LAMA1: variants seen among roughly 807,000 people sequenced by gnomAD.
LAMA1 encodes the protein laminin subunit alpha 1, also known as laminin subunit alpha-1.
A neutral mutation model predicts 348.7 loss-of-function variants in LAMA1; 219 were observed. That is an observed-to-expected ratio of 0.63 (90% CI 0.56 to 0.70). The LOEUF (loss-of-function observed/expected upper bound fraction) is 0.70. Among genes scored for constraint, LAMA1 ranks in the 30% least tolerant of loss-of-function variants. The pLI is 0.00. For missense variants in LAMA1, 3,744 were observed against 3,888.0 expected (o/e 0.96, Z 0.99); for synonymous variants, 1,487 against 1,491.0 (o/e 1.00, Z 0.06).
intron 62 of LAMA1, among the ~76,000 whole-genome samples, chr18:6,942,965 T>A (rs1419253308): frequency 2.0e-5 from 3 of 152,230 alleles, no homozygotes; most frequent in African/African-American, 7.2e-5. Flanking sequence ...AGACCCAATG[T>A]TCTCACAGTC....
chr18:7,004,146 G>T (rs2057821184), intron 29 of LAMA1, among the ~76,000 whole-genome samples: 1 of 152,154 alleles, frequency 6.6e-6, no homozygotes, highest in African/African-American at 2.4e-5. Flanking sequence ...GGGAAACAAG[G>T]ACCCCCTAAT....
At chr18:7,090,787 A>G (rs2058236894) in intron 1 of LAMA1, among the ~76,000 whole-genome samples, 1 of 152,106 alleles carries the variant, frequency 6.6e-6, no homozygotes, top group Non-Finnish European at 1.5e-5. Context: ...GTCAAATCCA[A>G]ACTCCTGGGA....
At position 7,011,290 on chromosome 18, in the gene LAMA1, T is replaced by G. The variant is rs1600391778; in HGVS notation, c.3687+10A>C. ...GCACCGACTGGCTCTCGGCTGGGCG[T>G]GCACCTCACCTGGTCTCCTTGGAAC... On this transcript the variant is annotated intron_variant, in intron 25 of 62. Transcript: ENST00000389658. 6.2e-7 allele frequency: 1 copy of G among 1,609,784 alleles called. No individual in the cohort carries two copies. The highest frequency in any genetic ancestry group is 1.7e-5 in the Admixed American group (1 of 59,760).
chr18:6,975,451 C>T (rs541778950), intron 45 of LAMA1, among the ~76,000 whole-genome samples: 3 of 152,228 alleles, frequency 2.0e-5, no homozygotes, highest in South Asian at 2.1e-4. Flanking sequence ...GACTTGCATG[C>T]ACTTTGCATC....
intron 1 of LAMA1, among the ~76,000 whole-genome samples, chr18:7,086,414 T>C (rs926384391): frequency 1.1e-4 from 16 of 152,186 alleles, no homozygotes; most frequent in African/African-American, 3.9e-4. Context: ...CATTTCAATT[T>C]CCTTCCCTTT....
intron 1 of LAMA1, among the ~76,000 whole-genome samples, chr18:7,096,559 G>C (rs963846376): frequency 1.3e-5 from 2 of 152,020 alleles, no homozygotes; most frequent in African/African-American, 2.4e-5. Context: ...GGAAGCTGAA[G>C]TGGGAAGATC....
In LAMA1 at chr18:7,035,306, T is replaced by C. The variant is rs111746444; in HGVS notation, c.1840-616A>G. On this transcript the variant is annotated intron_variant, in intron 13 of 62. Transcript: ENST00000389658. The stretch of plus-strand genomic sequence containing the variant: ...GACAAGTATGGCAACACGTCTACTG[T>C]CCTCAGACCGCCAAGTACTGCCTAA... 9.9e-5 allele frequency among the ~76,000 whole-genome samples: 15 copies of C among 152,158 alleles called. 1 individual carries two copies. Among genetic ancestry groups the C allele is most frequent in the African/African-American group, 3.6e-4 (15 of 41,502 alleles).
intron 30 of LAMA1, among the ~76,000 whole-genome samples, chr18:7,001,616 C>T (rs1401467697): frequency 1.3e-5 from 2 of 152,074 alleles, no homozygotes; most frequent in African/African-American, 4.8e-5. Flanking sequence ...TTGCAGTATA[C>T]CAAGAGTTAA....
At chr18:7,049,767 T>G (rs1209891799) in intron 4 of LAMA1, among the ~76,000 whole-genome samples, 1 of 152,214 alleles carries the variant, frequency 6.6e-6, no homozygotes, top group East Asian at 1.9e-4. Context: ...ATGTCTTCAG[T>G]TTATTGAAGG....
At chr18:7,068,472 T>C (rs997975978) in intron 3 of LAMA1, among the ~76,000 whole-genome samples, 1 of 152,356 alleles carries the variant, frequency 6.6e-6, no homozygotes, top group Non-Finnish European at 1.5e-5. Context: ...CCTGATTTCT[T>C]AAATATATTC....
chr18:7,066,083 T>C lies in LAMA1; in HGVS notation c.345+13892A>G, dbSNP rs192204921. ...AGAGTCAGAATTCCACAATCACCCATATTCCCCTGGAAAAAGGTAGTGATA... is the reference window on the plus strand; with the variant it reads ...AGAGTCAGAATTCCACAATCACCCACATTCCCCTGGAAAAAGGTAGTGATA... On this transcript the variant is annotated intron_variant, in intron 3 of 62. Transcript: ENST00000389658. 1.6e-3 allele frequency among the ~76,000 whole-genome samples: 239 copies of C among 152,288 alleles called. 1 individual carries two copies. The Middle Eastern group carries it at 0.02, about 13-fold the overall frequency.
chr18:7,032,175 G>A lies in LAMA1; in HGVS notation c.2165C>T (p.Ser722Leu), dbSNP rs369026696. 5.4e-5 allele frequency: 86 copies of A among 1,602,892 alleles called. No individual in the cohort carries two copies. Among genetic ancestry groups the A allele is most frequent in the Admixed American group, 2.7e-4 (16 of 59,964 alleles). ...PQGYTGTSCE[S>L]CLSGYYRVDG... ...CACGCGGTAATAGCCAGAGAGGCAC[G>A]ACTGCAAGAGAAGGGAAAGTCATCC... The change falls in exon 16 of 63, where the codon TCG becomes TTG. Residue 722 changes from serine to leucine, a missense_variant and splice_region_variant. By Grantham distance (145) the Ser-to-Leu change is moderately radical (BLOSUM62 -2). Around this residue, in one of 3 missense-constraint regions of LAMA1, gnomAD observed 1,529 missense variants for 1,689.4 expected, o/e 0.91. Coordinates refer to ENST00000389658, the MANE Select transcript of LAMA1 (RefSeq NM_005559.4).
intron 1 of LAMA1, among the ~76,000 whole-genome samples, chr18:7,107,042 C>T (rs1198335329): frequency 1.3e-5 from 2 of 151,862 alleles, no homozygotes; most frequent in African/African-American, 4.8e-5. Context: ...TGAATATGAG[C>T]AAGCAGAACG....
intron 30 of LAMA1, among the ~76,000 whole-genome samples, chr18:7,001,818 C>T (rs1446525689): frequency 6.6e-6 from 1 of 152,052 alleles, no homozygotes; most frequent in East Asian, 1.9e-4. Context: ...GAAACTAGTC[C>T]CAATTTTATC....
chr18:7,059,098 C>G (rs1377689477), intron 3 of LAMA1, among the ~76,000 whole-genome samples: 2 of 152,136 alleles, frequency 1.3e-5, no homozygotes, highest in Non-Finnish European at 1.5e-5. Flanking sequence ...CCACATTGGC[C>G]AGGATGGTCT....
intron 3 of LAMA1, among the ~76,000 whole-genome samples, chr18:7,072,794 C>T (rs1285487429): frequency 6.6e-6 from 1 of 152,138 alleles, no homozygotes; most frequent in Admixed American, 6.5e-5. Flanking sequence ...AAGCACCTGC[C>T]AGCCCAGCTT....
intron 1 of LAMA1, among the ~76,000 whole-genome samples, chr18:7,092,788 G>A (rs950596829): frequency 2.0e-5 from 3 of 151,946 alleles, no homozygotes; most frequent in East Asian, 1.9e-4. Context: ...TGGTCTCCAC[G>A]CTACATATAT....
At chr18:6,958,428 C>T in intron 55 of LAMA1, 49 bp downstream of exon 55, 6 of 1,586,248 alleles carry the variant, frequency 3.8e-6, no homozygotes, top group Admixed American at 1.7e-5. Flanking sequence ...TAGCACTCAC[C>T]ATGAAAGGTC....
chr18:7,011,032 A>G (rs531233561), intron 25 of LAMA1, among the ~76,000 whole-genome samples: 1 of 152,352 alleles, frequency 6.6e-6, no homozygotes, highest in Admixed American at 6.5e-5. Flanking sequence ...GTGACACATG[A>G]CTGTATATGT....
Sources: allele counts gnomAD v4.1 joint callset (sites outside exome capture counted in the v4.1 genomes callset), GRCh38; gene constraint gnomAD v4.1.1; regional missense constraint gnomAD v4.1.1; transcripts MANE v1.5; gene names NCBI Gene and HGNC (gene_info 2026-07-23, HGNC 2026-07-21).